The following PPP1R26 variants were observed in gnomAD, a reference collection of about 807,000 sequenced individuals.
The protein encoded by PPP1R26 is protein phosphatase 1 regulatory subunit 26.
A neutral mutation model predicts 67.6 loss-of-function variants in PPP1R26; 22 were observed. The ratio of observed to expected loss-of-function variants is 0.33; its 90% CI spans 0.23 to 0.46. The LOEUF (loss-of-function observed/expected upper bound fraction) is 0.46, where lower values mean the gene tolerates loss of function less well. PPP1R26 is among the 20% of genes least tolerant of loss of function. PPP1R26 has a pLI of 1.00. For synonymous variants in PPP1R26, 729 were observed against 717.2 expected (o/e 1.02, Z -0.26); for missense variants, 1,602 against 1,651.4 (o/e 0.97, Z 0.52).
chr9:135,486,196 C>T lies in PPP1R26; in HGVS notation c.1686C>T (p.Ala562=), dbSNP rs1221561448. 1.9e-6 allele frequency: 3 copies of T among 1,612,882 alleles called. No homozygotes were observed. Among genetic ancestry groups the T allele is most frequent in the African/African-American group, 1.3e-5 (1 of 74,936 alleles). ...LARGESCPQA[A]QGPLLPPGLN... ...GAGGTGAGAGCTGCCCGCAGGCTGC[C>T]CAGGGTCCACTTTTGCCGCCTGGCC... The change falls in exon 4 of 4, where the codon GCC becomes GCT. Residue 562 remains alanine, a synonymous_variant. Transcript: ENST00000356818. The surrounding 1 kb of genome is among the most constrained non-coding windows in gnomAD (Gnocchi z 6.2).
At position 135,488,520 on chromosome 9, in the gene PPP1R26, T is replaced by G; in HGVS notation, c.*380T>G. 5.8e-6 allele frequency: 1 copy of G among 171,868 alleles called. No homozygotes were observed. The allele number at this position is 171,868 out of a possible 1,614,324, so 10.6% of individuals were successfully genotyped here. A position where few individuals can be genotyped will look rare whatever the true frequency, so the allele number is the denominator to read the frequency against. On this transcript the variant is annotated 3_prime_UTR_variant, in exon 4 of 4. Coordinates refer to ENST00000356818, the MANE Select transcript of PPP1R26 (RefSeq NM_014811.5). ...CTTTTTGGTTGATTGCTGGTGAGAA[T>G]GGCCGGCGGTGGCTGCAGTGGTAGC...
chr9:135,487,573 C>T lies in PPP1R26; in HGVS notation c.3063C>T (p.Ala1021=), dbSNP rs17854529. Residue 1021 remains alanine, a synonymous_variant, in exon 4 of 4, where the codon GCC becomes GCT. Coordinates refer to ENST00000356818, the MANE Select transcript of PPP1R26 (RefSeq NM_014811.5). The part of the protein sequence containing the change: ...PGAERDAGAQ[A]DRTPPWSDFA... ...CGGAGAGGGACGCTGGAGCCCAGGC[C>T]GACCGCACACCGCCCTGGAGCGACT... The T allele has an allele frequency of 4.3e-3, 6,575 of 1,540,048 alleles. 191 individuals are homozygous for T. The East Asian group carries it at 0.05, about 12-fold the overall frequency.
chr9:135,482,765 G>A lies in PPP1R26; in HGVS notation c.-246G>A, dbSNP rs546147461. 15 of 398,552 alleles carry A rather than the reference G, an allele frequency of 3.8e-5. No individual in the cohort carries two copies. In the Admixed American group the frequency reaches 4.8e-4, roughly 13 times the overall value. 24.7% of individuals were successfully genotyped at this position (398,552 alleles called of 1,614,324 possible). ...AGGACCTGATCTCTGGGCCGTGTGGGAACACTGGCTGCCATTTCATCACAG... is the reference window on the plus strand; with the variant it reads ...AGGACCTGATCTCTGGGCCGTGTGGAAACACTGGCTGCCATTTCATCACAG... On this transcript the variant is annotated 5_prime_UTR_variant, in exon 2 of 4. Coordinates refer to ENST00000356818, the MANE Select transcript of PPP1R26 (RefSeq NM_014811.5).
rs1830450596 is a variant in PPP1R26 at position 135,479,952 on chromosome 9, C to G, written c.-399C>G. ...CAGCCTCCGGCCCGCCCCCGGCCCG[C>G]CGCCTCCCCCGGGACGTGGGACGCG... On this transcript the variant is annotated 5_prime_UTR_variant, in exon 1 of 4. Coordinates refer to ENST00000356818, the MANE Select transcript of PPP1R26 (RefSeq NM_014811.5). The surrounding 1 kb of genome is among the most constrained non-coding windows in gnomAD (Gnocchi z 5.9). The G allele has an allele frequency of 6.9e-6, 1 of 144,788 alleles. No individual in the cohort carries two copies. The highest frequency in any genetic ancestry group is 2.1e-4 in the South Asian group (1 of 4,768). The allele number at this position is 144,788 out of a possible 1,614,324, so 9.0% of individuals were successfully genotyped here.
At chr9:135,483,871 G>A in intron 2 of PPP1R26, 79 bp from the exon 3 acceptor site, 1 of 397,588 alleles carries the variant, frequency 2.5e-6, no homozygotes, top group Non-Finnish European at 4.4e-6. Context: ...ACATAGAGAG[G>A]GTTTAGTAAA....
At position 135,486,300 on chromosome 9, in the gene PPP1R26, G is replaced by C. The variant is rs1226501824; in HGVS notation, c.1790G>C (p.Arg597Thr). ...CTGCTGGGCTGCAAAAGGAAGCGTA[G>C]AGGTGGTGGCCATGTGAGGCCATCC... ...DPLLGCKRKR[R>T]GGGHVRPSTP... The change falls in exon 4 of 4, where the codon AGA becomes ACA. Residue 597 changes from arginine (R) to threonine (T), a missense_variant. Physicochemically the swap from Arg to Thr is moderately conservative, Grantham distance 71. This residue lies in a region of PPP1R26 where 680 missense variants were observed against 726.1 expected (regional missense o/e 0.94). Transcript: ENST00000356818. The surrounding 1 kb of genome is among the most constrained non-coding windows in gnomAD (Gnocchi z 6.2). The C allele has an allele frequency of 1.9e-6, 3 of 1,612,882 alleles. No homozygotes were observed. The highest frequency in any genetic ancestry group is 2.7e-5 in the African/African-American group (2 of 74,942).
chr9:135,479,294 C>T (rs1016220621), upstream of PPP1R26, among the ~76,000 whole-genome samples: 1 of 151,738 alleles, frequency 6.6e-6, no homozygotes, highest in African/African-American at 2.4e-5. The surrounding 1 kb of genome is among the most constrained non-coding windows in gnomAD (Gnocchi z 5.9). Context: ...GAGGGGCGGG[C>T]GGGCCGGTCT....
At chr9:135,482,911 T>C in intron 2 of PPP1R26, 96 bp downstream of exon 2, 1 of 396,198 alleles carries the variant, frequency 2.5e-6, no homozygotes, top group Non-Finnish European at 4.4e-6. Flanking sequence ...ACCCCCTGGT[T>C]AATTGCTGGT....
In PPP1R26 at chr9:135,488,280, A is replaced by T; in HGVS notation, c.*140A>T. ...TAGCCCTGTATATATGTACACCAAC[A>T]TGAAACTTTTATTTAACAGACGTGT... On this transcript the variant is annotated 3_prime_UTR_variant, in exon 4 of 4. Transcript: ENST00000356818. The T allele has an allele frequency of 8.1e-7, 1 of 1,228,812 alleles. No individual in the cohort carries two copies. Among genetic ancestry groups the T allele is most frequent in the East Asian group, 3.1e-5 (1 of 32,238 alleles). The allele number at this position is 1,228,812 out of a possible 1,614,324, so 76.1% of individuals were successfully genotyped here.
rs765540056 is a variant in PPP1R26 at position 135,487,101 on chromosome 9, C to A, written c.2591C>A (p.Thr864Asn). ...SSSEVQAEGPTALGTGGPARP... is the reference protein window; with the variant it reads ...SSSEVQAEGPNALGTGGPARP... Reference sequence around the variant, plus strand: ...TCAGAAGTTCAGGCAGAGGGCCCCACCGCTCTTGGGACAGGGGGCCCAGCC... The same window carrying A: ...TCAGAAGTTCAGGCAGAGGGCCCCAACGCTCTTGGGACAGGGGGCCCAGCC... The change falls in exon 4 of 4, where the codon ACC becomes AAC. Residue 864 changes from threonine to asparagine, a missense_variant. Thr to Asn is a moderately conservative substitution (Grantham distance 65). Around this residue, in one of 5 missense-constraint regions of PPP1R26, gnomAD observed 740 missense variants for 696.3 expected, o/e 1.06. Transcript: ENST00000356818. The A allele has an allele frequency of 6.2e-7, 1 of 1,611,574 alleles. No individual in the cohort carries two copies. Among genetic ancestry groups the A allele is most frequent in the Non-Finnish European group, 8.5e-7 (1 of 1,179,984 alleles).
chr9:135,485,632 G>C lies in PPP1R26; in HGVS notation c.1122G>C (p.Leu374=). The C allele has an allele frequency of 1.9e-6, 3 of 1,613,008 alleles. No individual in the cohort carries two copies. Among genetic ancestry groups the C allele is most frequent in the Non-Finnish European group, 2.5e-6 (3 of 1,180,020 alleles). ...SDDGIEEAIQ[L]YQLQKTRKEA... The stretch of plus-strand genomic sequence containing the variant: ...ATGGCATTGAGGAGGCCATCCAGCT[G>C]TACCAGCTGCAGAAAACACGCAAGG... Residue 374 remains leucine, a synonymous_variant, in exon 4 of 4, where the codon CTG becomes CTC. Transcript: ENST00000356818. The surrounding 1 kb of genome is among the most constrained non-coding windows in gnomAD (Gnocchi z 7.2).
Position 135,488,593 on chromosome 9 carries a change from A to G in PPP1R26, c.*453A>G. 1 of 167,828 alleles carries G rather than the reference A, an allele frequency of 6.0e-6. No individual in the cohort carries two copies. The highest frequency in any genetic ancestry group is 1.5e-5 in the Non-Finnish European group (1 of 68,576). The allele number at this position is 167,828 out of a possible 1,614,324, so 10.4% of individuals were successfully genotyped here. On this transcript the variant is annotated 3_prime_UTR_variant, in exon 4 of 4. Coordinates refer to ENST00000356818, the MANE Select transcript of PPP1R26 (RefSeq NM_014811.5). ...CCCTGGGAATCACTCAGATGCCCCA[A>G]GATGTCCGTTGGGAAGCTCCCAGGA...
At position 135,486,904 on chromosome 9, in the gene PPP1R26, A is replaced by G; in HGVS notation, c.2394A>G (p.Arg798=). The G allele has an allele frequency of 1.2e-6, 2 of 1,612,460 alleles. No homozygotes were observed. Among genetic ancestry groups the G allele is most frequent in the Non-Finnish European group, 1.7e-6 (2 of 1,179,848 alleles). The change falls in exon 4 of 4, where the codon AGA becomes AGG. Residue 798 remains arginine, a synonymous_variant. Coordinates refer to ENST00000356818, the MANE Select transcript of PPP1R26 (RefSeq NM_014811.5). This position sits in a 1 kb window ranked among gnomAD's most constrained non-coding sequence, Gnocchi z 6.2. ...QDAALAFRVR[R]PASASASEGN... ...CGGCCCTGGCCTTCCGGGTGAGGAG[A>G]CCCGCCTCCGCCTCTGCCTCCGAAG...
At chr9:135,482,528 T>C (rs149914699) in intron 1 of PPP1R26, among the ~76,000 whole-genome samples, 155 bp from the exon 2 acceptor site, 1 of 152,362 alleles carries the variant, frequency 6.6e-6, no homozygotes, top group African/African-American at 2.4e-5. Context: ...AAGTTAAATA[T>C]ATTTGTACTT....
chr9:135,486,214 G>A lies in PPP1R26; in HGVS notation c.1704G>A (p.Pro568=), dbSNP rs143922539. 77 of 1,612,968 alleles carry A rather than the reference G, an allele frequency of 4.8e-5. No individual in the cohort carries two copies. The highest frequency in any genetic ancestry group is 3.3e-4 in the Middle Eastern group (2 of 6,062). ...AGGCTGCCCAGGGTCCACTTTTGCC[G>A]CCTGGCCTCAACAGCCAGACCGGCG... ...CPQAAQGPLL[P]PGLNSQTGGH... The change falls in exon 4 of 4, where the codon CCG becomes CCA. Residue 568 remains proline, a synonymous_variant. Transcript: ENST00000356818. The surrounding 1 kb of genome is among the most constrained non-coding windows in gnomAD (Gnocchi z 6.2).
Position 135,487,393 on chromosome 9 carries a change from C to G in PPP1R26, c.2883C>G (p.His961Gln), listed in dbSNP as rs753285353. The change falls in exon 4 of 4, where the codon CAC becomes CAG. Residue 961 changes from histidine to glutamine, a missense_variant. Coordinates refer to ENST00000356818, the MANE Select transcript of PPP1R26 (RefSeq NM_014811.5). ...TGAGCAGGAGAAATGTTTACGTTCA[C>G]AAAGACCAGAGCCCACGAGGGGCTG... ...LSVSRRNVYV[H>Q]KDQSPRGAEP... The G allele has an allele frequency of 2.5e-6, 4 of 1,575,282 alleles. No homozygotes were observed. Among genetic ancestry groups the G allele is most frequent in the Admixed American group, 3.8e-5 (2 of 53,246 alleles).
intron 1 of PPP1R26, 145 bp downstream of exon 1, chr9:135,480,167 G>A (rs1410606272): frequency 6.6e-6 from 1 of 150,932 alleles, no homozygotes; most frequent in Non-Finnish European, 1.5e-5. Context: ...CAGGCGGACG[G>A]GGATCGGCGC....
Position 135,484,072 on chromosome 9 carries a change from C to G in PPP1R26, c.-73C>G. 2.5e-6 allele frequency: 1 copy of G among 407,402 alleles called. No homozygotes were observed. 25.2% of individuals were successfully genotyped at this position (407,402 alleles called of 1,614,324 possible). On this transcript the variant is annotated 5_prime_UTR_variant, in exon 3 of 4. Transcript: ENST00000356818. ...ACGTTGTCTCATGGGTACCGCTTGC[C>G]AACTTTGGAGGTAAATAAAACCTCT...
rs1433907022 is a variant in PPP1R26, at chr9:135,486,502, C to G, written c.1992C>G (p.Gly664=). The change falls in exon 4 of 4, where the codon GGC becomes GGG. Residue 664 remains glycine (G), a synonymous_variant. Transcript: ENST00000356818. This position sits in a 1 kb window ranked among gnomAD's most constrained non-coding sequence, Gnocchi z 6.2. Reference sequence around the variant, plus strand: ...CTGGCGACACTCGCATGTCACAGGGCCAGGGTAAGACAGACGAGGCAAGGC... The same window carrying G: ...CTGGCGACACTCGCATGTCACAGGGGCAGGGTAAGACAGACGAGGCAAGGC... ...RGPGDTRMSQ[G]QGKTDEARRL... is the part of the protein sequence containing the mutation. The G allele has an allele frequency of 2.5e-6, 4 of 1,612,738 alleles. No homozygotes were observed. The highest frequency in any genetic ancestry group is 2.2e-5 in the South Asian group (2 of 91,050).
Sources: allele counts gnomAD v4.1 joint callset (sites outside exome capture counted in the v4.1 genomes callset), GRCh38; gene constraint gnomAD v4.1.1; regional missense constraint gnomAD v4.1.1; non-coding constraint Gnocchi (gnomAD v3.1); transcripts MANE v1.5; gene names NCBI Gene and HGNC (gene_info 2026-07-23, HGNC 2026-07-21).